Variants in NRG3 observed in about 807,000 individuals in gnomAD.
The protein encoded by NRG3 is pro-neuregulin-3, membrane-bound isoform.
In NRG3, 31 loss-of-function variants were observed where a neutral mutation model predicts 66.9. That is an observed-to-expected ratio of 0.46 (90% CI 0.35 to 0.63). The LOEUF (loss-of-function observed/expected upper bound fraction) is 0.63. Among genes scored for constraint, NRG3 ranks in the 20% least tolerant of loss-of-function variants. The pLI is 0.00. For missense variants in NRG3, 910 were observed against 878.9 expected (o/e 1.04, Z -0.45); for synonymous variants, 393 against 359.4 (o/e 1.09, Z -1.06).
intron 2 of NRG3, among the ~76,000 whole-genome samples, chr10:82,688,202 C>A (rs1363021963): frequency 1.3e-5 from 2 of 152,164 alleles, no homozygotes; most frequent in Admixed American, 6.5e-5. Flanking sequence ...ACATCCGATA[C>A]CCTTGAACAT....
chr10:81,959,096 G>A (rs1179737359), intron 1 of NRG3, among the ~76,000 whole-genome samples: 1 of 152,062 alleles, frequency 6.6e-6, no homozygotes, highest in Non-Finnish European at 1.5e-5. Context: ...CAATATATAT[G>A]TATAAATATT....
intron 1 of NRG3, among the ~76,000 whole-genome samples, chr10:82,105,717 G>A (rs536110191): frequency 6.6e-6 from 1 of 152,042 alleles, no homozygotes; most frequent in Admixed American, 6.5e-5. Context: ...TACAATTTGA[G>A]ATATTATCAA....
chr10:82,495,043 C>G (rs1052984770), intron 2 of NRG3, among the ~76,000 whole-genome samples: 3 of 151,880 alleles, frequency 2.0e-5, no homozygotes, highest in Non-Finnish European at 4.4e-5. Context: ...CGGGTTCAAG[C>G]AATTCTCCTG....
chr10:82,678,240 G>A (rs916977860), intron 2 of NRG3, among the ~76,000 whole-genome samples: 5 of 152,136 alleles, frequency 3.3e-5, no homozygotes, highest in African/African-American at 1.2e-4. Flanking sequence ...GAGCAACAAG[G>A]CTGTTTATTT....
chr10:82,571,464 A>C lies in NRG3; in HGVS notation c.954-167113A>C, dbSNP rs2045733708. 2.0e-5 allele frequency among the ~76,000 whole-genome samples: 3 copies of C among 151,706 alleles called. No homozygotes were observed. The South Asian group carries it at 6.2e-4, about 31-fold the overall frequency. On this transcript the variant is annotated intron_variant, in intron 2 of 8. Transcript: ENST00000372141. Reference sequence around the variant, plus strand: ...CACTATTTGGAGTGAAAAGTAGTACAAAAATTTGGTGAATACATCAACAAT... The same window carrying C: ...CACTATTTGGAGTGAAAAGTAGTACCAAAATTTGGTGAATACATCAACAAT...
chr10:82,062,223 C>G (rs1392267623), intron 1 of NRG3, among the ~76,000 whole-genome samples: 1 of 152,104 alleles, frequency 6.6e-6, no homozygotes, highest in African/African-American at 2.4e-5. Context: ...TAGCTCATTT[C>G]TTTATTATCT....
intron 6 of NRG3, among the ~76,000 whole-genome samples, chr10:82,971,570 G>T (rs1456278405): frequency 6.6e-6 from 1 of 151,868 alleles, no homozygotes; most frequent in Non-Finnish European, 1.5e-5. Flanking sequence ...CTGAGTAGCT[G>T]GGATTACAGG....
chr10:82,958,448 A>G (rs995780764), intron 5 of NRG3, among the ~76,000 whole-genome samples: 5 of 152,254 alleles, frequency 3.3e-5, no homozygotes. Context: ...CTTGGTAACA[A>G]TAAATGAGCT....
At chr10:82,592,094 T>C (rs900323059) in intron 2 of NRG3, among the ~76,000 whole-genome samples, 4 of 152,338 alleles carry the variant, frequency 2.6e-5, no homozygotes, top group African/African-American at 9.6e-5. Flanking sequence ...TGTGGATTAA[T>C]AAGGATAAAC....
chr10:82,120,527 T>C (rs1037116544), intron 1 of NRG3, among the ~76,000 whole-genome samples: 2 of 152,140 alleles, frequency 1.3e-5, no homozygotes, highest in Non-Finnish European at 2.9e-5. Context: ...GATACCTCCT[T>C]GGCTTTGGTT....
chr10:82,253,755 A>G (rs1333846605), intron 1 of NRG3, among the ~76,000 whole-genome samples: 2 of 152,218 alleles, frequency 1.3e-5, no homozygotes, highest in Non-Finnish European at 2.9e-5. Flanking sequence ...TTCCATAGCT[A>G]ATAAGATAAA....
At chr10:82,542,769 A>T (rs1001526980) in intron 2 of NRG3, among the ~76,000 whole-genome samples, 2 of 152,238 alleles carry the variant, frequency 1.3e-5, no homozygotes, top group Non-Finnish European at 2.9e-5. Context: ...AAATTGAGGA[A>T]ATACTATAAT....
At chr10:82,018,226 T>C (rs2061881753) in intron 1 of NRG3, among the ~76,000 whole-genome samples, 1 of 152,184 alleles carries the variant, frequency 6.6e-6, no homozygotes. Flanking sequence ...GTCAGGTTTG[T>C]CAAAGATCAG....
At chr10:82,090,420 C>G (rs1037751851) in intron 1 of NRG3, among the ~76,000 whole-genome samples, 1 of 152,098 alleles carries the variant, frequency 6.6e-6, no homozygotes, top group African/African-American at 2.4e-5. Context: ...TTGAGATGAA[C>G]ATATGTTGAT....
intron 2 of NRG3, among the ~76,000 whole-genome samples, chr10:82,617,517 T>C: frequency 6.6e-6 from 1 of 152,142 alleles, no homozygotes; most frequent in East Asian, 1.9e-4. Flanking sequence ...CTGACATAAA[T>C]GTCTGTTGGG....
At chr10:82,642,238 T>C (rs2050631411) in intron 2 of NRG3, among the ~76,000 whole-genome samples, 1 of 150,700 alleles carries the variant, frequency 6.6e-6, no homozygotes, top group Non-Finnish European at 1.5e-5. Flanking sequence ...TTATCTCCTC[T>C]ATCAACAAGT....
intron 1 of NRG3, among the ~76,000 whole-genome samples, chr10:82,061,635 A>G (rs1485776386): frequency 6.6e-6 from 1 of 152,102 alleles, no homozygotes; most frequent in Non-Finnish European, 1.5e-5. Flanking sequence ...ATCCACTTGC[A>G]TGTGTTTGTA....
At chr10:82,253,779 C>A (rs911458057) in intron 1 of NRG3, among the ~76,000 whole-genome samples, 2 of 152,188 alleles carry the variant, frequency 1.3e-5, no homozygotes, top group Admixed American at 1.3e-4. Context: ...AAAATTCTTA[C>A]CTCGGTTATC....
At chr10:82,274,537 T>C (rs1301575320) in intron 1 of NRG3, among the ~76,000 whole-genome samples, 1 of 151,998 alleles carries the variant, frequency 6.6e-6, no homozygotes, top group Non-Finnish European at 1.5e-5. Context: ...TGAACAATAA[T>C]ATGAATATGA....
Sources: allele counts gnomAD v4.1 joint callset (sites outside exome capture counted in the v4.1 genomes callset), GRCh38; gene constraint gnomAD v4.1.1; transcripts MANE v1.5; gene names NCBI Gene and HGNC (gene_info 2026-07-23, HGNC 2026-07-21).